The following SYN2 variants were observed in gnomAD, a reference collection of about 807,000 sequenced individuals.
SYN2 encodes synapsin II, also known as synapsin-2.
SYN2 carries 19 observed loss-of-function variants against 50.9 expected under a neutral mutation model. That is an observed-to-expected ratio of 0.37 (90% CI 0.26 to 0.55). SYN2 has a LOEUF of 0.55. SYN2 is among the 20% of genes least tolerant of loss of function. The pLI, the probability that SYN2 is intolerant of heterozygous loss-of-function variation, is 0.81. For synonymous variants in SYN2, 255 were observed against 224.9 expected, an observed-to-expected ratio of 1.13 and a Z score of -1.20; for missense variants, 587 against 576.4, an observed-to-expected ratio of 1.02 and a Z score of -0.19.
In SYN2 at chr3:12,077,494, C is replaced by T. The variant is rs139972566; in HGVS notation, c.378-63157C>T. Among the ~76,000 whole-genome samples, 578 of 152,018 alleles carry T rather than the reference C, an allele frequency of 3.8e-3. 7 individuals carry two copies. The highest frequency in any genetic ancestry group is 0.013 in the African/African-American group (558 of 41,474). On this transcript the variant is annotated intron_variant, in intron 1 of 12. Coordinates refer to ENST00000621198, the MANE Select transcript of SYN2 (RefSeq NM_133625.6). ...TTCCCCCACCCAAATCCTGATAGGC[C>T]CCAGTGTGGTGTTCCCCTCCCTGTG... is the stretch of plus-strand genomic sequence containing the variant.
chr3:12,175,891 G>GGT (rs1173665682), intron 10 of SYN2, among the ~76,000 whole-genome samples: 2 of 152,224 alleles, frequency 1.3e-5, no homozygotes, highest in Non-Finnish European at 2.9e-5. Context: ...GGAGGTGAGT[G>GGT]GTAAAGCCTG....
intron 4 of SYN2, among the ~76,000 whole-genome samples, chr3:12,149,981 C>T (rs1288249055): frequency 1.3e-5 from 2 of 152,080 alleles, no homozygotes; most frequent in Admixed American, 1.3e-4. Flanking sequence ...AACTCATTTG[C>T]CCAAGGACAC....
chr3:12,004,390 A>T lies in SYN2; in HGVS notation c.-162A>T, dbSNP rs80251534. 1 allele frequency: 193,433 copies of T among 193,436 alleles called. 96,715 individuals carry two copies. The highest frequency in any genetic ancestry group is 1 in the Middle Eastern group (450 of 450). 12.0% of individuals were successfully genotyped at this position (193,436 alleles called of 1,614,324 possible). On this transcript the variant is annotated 5_prime_UTR_variant, in exon 1 of 13. Transcript: ENST00000621198. ...GCGCCGCGCGGGTTGCCTGGCCCAGACCGCCGCTGCTGTCTGCGGGGTCTG... is the reference window on the plus strand; with the variant it reads ...GCGCCGCGCGGGTTGCCTGGCCCAGTCCGCCGCTGCTGTCTGCGGGGTCTG...
intron 1 of SYN2, among the ~76,000 whole-genome samples, chr3:12,068,307 T>C (rs1343245892): frequency 6.6e-6 from 1 of 152,220 alleles, no homozygotes; most frequent in African/African-American, 2.4e-5. Context: ...TTGAAGGCAT[T>C]GCTCAGTTAT....
Position 12,169,772 on chromosome 3 carries a change from A to G in SYN2, c.1174A>G (p.Met392Val). The G allele has an allele frequency of 1.2e-6, 2 of 1,613,946 alleles. No individual in the cohort carries two copies. Among genetic ancestry groups the G allele is most frequent in the Non-Finnish European group, 1.7e-6 (2 of 1,179,872 alleles). ...CTCCCACCAGGTCATGGACTGTAGC[A>G]TGCCACTGATTGGGGAACATCAGGT... is the stretch of plus-strand genomic sequence containing the variant. ...DYIFEVMDCS[M>V]PLIGEHQVED... The change falls in exon 10 of 13, where the codon ATG becomes GTG. Residue 392 changes from methionine (M) to valine (V), a missense_variant. Coordinates refer to ENST00000621198, the MANE Select transcript of SYN2 (RefSeq NM_133625.6).
chr3:12,119,395 A>G (rs1182675355), intron 1 of SYN2, among the ~76,000 whole-genome samples: 1 of 152,110 alleles, frequency 6.6e-6, no homozygotes, highest in Non-Finnish European at 1.5e-5. Context: ...GAGGACAAGG[A>G]TAGTGTTTTA....
Position 12,175,244 on chromosome 3 carries a change from G to A in SYN2, c.1308+5338G>A, listed in dbSNP as rs886426681. Among the ~76,000 whole-genome samples, 6 of 152,310 alleles carry A rather than the reference G, an allele frequency of 3.9e-5. 2 individuals carry two copies. ...TGATGTGCCATTGTAATACATATTTGTTGAGTGAGTTCACCATTTGGAAGA... is the reference window on the plus strand; with the variant it reads ...TGATGTGCCATTGTAATACATATTTATTGAGTGAGTTCACCATTTGGAAGA... On this transcript the variant is annotated intron_variant, in intron 10 of 12. Transcript: ENST00000621198.
chr3:12,168,695 G>T, intron 9 of SYN2, among the ~76,000 whole-genome samples: 1 of 152,196 alleles, frequency 6.6e-6, no homozygotes, highest in East Asian at 1.9e-4. Flanking sequence ...TGGGAAGACT[G>T]TGGTGATGTT....
chr3:12,126,984 A>G (rs1574954686), intron 1 of SYN2, among the ~76,000 whole-genome samples: 1 of 152,212 alleles, frequency 6.6e-6, no homozygotes, highest in East Asian at 1.9e-4. Flanking sequence ...ATATAGGTGA[A>G]CAAATAATAG....
At chr3:12,092,465 A>G (rs1695851010) in intron 1 of SYN2, among the ~76,000 whole-genome samples, 1 of 152,200 alleles carries the variant, frequency 6.6e-6, no homozygotes, top group Non-Finnish European at 1.5e-5. Flanking sequence ...GCATAGAGGA[A>G]GAAGTAAGTT....
At chr3:12,018,686 T>G (rs1412045835) in intron 1 of SYN2, among the ~76,000 whole-genome samples, 1 of 152,234 alleles carries the variant, frequency 6.6e-6, no homozygotes, top group South Asian at 2.1e-4. Flanking sequence ...TTTGCTATTC[T>G]TCTCTGAATC....
Position 12,169,907 on chromosome 3 carries a change from G to A in SYN2, c.1308+1G>A. ...ACCCCTAACAACCCAGCAGCCACAG[G>A]TAAGCAGCTAGGAAGAGACATAGCA... On this transcript the variant is annotated splice_donor_variant, in intron 10 of 12. Transcript: ENST00000621198. LOFTEE classifies it high-confidence loss of function. 1 of 1,605,246 alleles carries A rather than the reference G, an allele frequency of 6.2e-7. No individual in the cohort carries two copies. The highest frequency in any genetic ancestry group is 1.7e-5 in the Admixed American group (1 of 58,542).
Position 12,169,896 on chromosome 3 carries a change from A to G in SYN2, c.1298A>G (p.Gln433Arg), listed in dbSNP as rs1169279080. ...ALSPQRPLTT[Q>R]QPQSGTLKDP... ...TCTCCTCAGAGACCCCTAACAACCCAGCAGCCACAGGTAAGCAGCTAGGAA... is the reference window on the plus strand; with the variant it reads ...TCTCCTCAGAGACCCCTAACAACCCGGCAGCCACAGGTAAGCAGCTAGGAA... The change falls in exon 10 of 13, where the codon CAG becomes CGG. Residue 433 changes from glutamine to arginine, a missense_variant. Coordinates refer to ENST00000621198, the MANE Select transcript of SYN2 (RefSeq NM_133625.6). The G allele has an allele frequency of 6.2e-7, 1 of 1,609,024 alleles. No individual in the cohort carries two copies. The highest frequency in any genetic ancestry group is 8.5e-7 in the Non-Finnish European group (1 of 1,177,672).
intron 10 of SYN2, among the ~76,000 whole-genome samples, chr3:12,176,661 G>A (rs761754020): frequency 1.3e-5 from 2 of 152,306 alleles, no homozygotes; most frequent in East Asian, 1.9e-4. Flanking sequence ...CTCTAACTCC[G>A]ATCAGAATGT....
At chr3:12,184,059 T>C (rs1698286205) in intron 11 of SYN2, 1 of 986,196 alleles carries the variant, frequency 1.0e-6, no homozygotes, top group African/African-American at 1.7e-5. Flanking sequence ...TTTGGTGCAG[T>C]TTGAGTTTAT....
intron 1 of SYN2, among the ~76,000 whole-genome samples, chr3:12,090,382 CTAAG>C (rs1407660899): frequency 6.6e-6 from 1 of 152,106 alleles, no homozygotes; most frequent in Non-Finnish European, 1.5e-5. Flanking sequence ...AACACAAACA[CTAAG>C]TTAATGTAAC....
At chr3:12,145,101 G>A (rs1697117448) in intron 3 of SYN2, among the ~76,000 whole-genome samples, 1 of 151,946 alleles carries the variant, frequency 6.6e-6, no homozygotes, top group Non-Finnish European at 1.5e-5. Flanking sequence ...TCCCAGTCCA[G>A]AAAGGAATAA....
chr3:12,082,212 C>G (rs568283361), intron 1 of SYN2, among the ~76,000 whole-genome samples: 48 of 152,290 alleles, frequency 3.2e-4, no homozygotes, highest in Non-Finnish European at 5.6e-4. Flanking sequence ...TTTAATTCCT[C>G]CTAAGTTGTG....
At chr3:12,185,575 T>G (rs909554681) in intron 11 of SYN2, 2 of 985,824 alleles carry the variant, frequency 2.0e-6, no homozygotes, top group African/African-American at 1.7e-5. Context: ...GCCATTCAGG[T>G]GTTTTGTACC....
Sources: allele counts gnomAD v4.1 joint callset (sites outside exome capture counted in the v4.1 genomes callset), GRCh38; gene constraint gnomAD v4.1.1; transcripts MANE v1.5; gene names NCBI Gene and HGNC (gene_info 2026-07-23, HGNC 2026-07-21).